Variants in GPSM2 observed in about 807,000 individuals in gnomAD.
GPSM2 encodes G protein-signaling modulator 2.
A neutral mutation model predicts 78.4 loss-of-function variants in GPSM2; 58 were observed. That is an observed-to-expected ratio of 0.74 (90% CI 0.60 to 0.92). The LOEUF is 0.92. Among genes scored for constraint, GPSM2 ranks in the 40% least tolerant of loss-of-function variants. GPSM2 has a pLI of 0.00. For synonymous variants in GPSM2, 224 were observed against 280.2 expected (o/e 0.80, Z 2.00); for missense variants, 700 against 815.5 (o/e 0.86, Z 1.73).
In GPSM2 at chr1:108,898,755, C is replaced by G; in HGVS notation, c.671C>G (p.Ala224Gly). ...LLGNFRDAVI[A>G]HEQRLLIAKE... ...GGCAACTTCAGGGATGCAGTTATAG[C>G]TCATGAGCAGGTACAGTGGAAAGCC... The change falls in exon 6 of 15, where the codon GCT becomes GGT. Residue 224 changes from alanine to glycine, a missense_variant. Transcript: ENST00000264126. 1.2e-6 allele frequency: 2 copies of G among 1,614,070 alleles called. No individual in the cohort carries two copies. The highest frequency in any genetic ancestry group is 2.2e-5 in the South Asian group (2 of 91,074).
Position 108,930,238 on chromosome 1 carries a change from ATAGAT to A in GPSM2, c.*303_*307del. 1 of 296,686 alleles carries A rather than the reference ATAGAT, an allele frequency of 3.4e-6. No individual in the cohort carries two copies. Among genetic ancestry groups the A allele is most frequent in the East Asian group, 6.3e-5 (1 of 15,784 alleles). 18.4% of individuals were successfully genotyped at this position (296,686 alleles called of 1,614,324 possible). On this transcript the variant is annotated 3_prime_UTR_variant, in exon 15 of 15. Coordinates refer to ENST00000264126, the MANE Select transcript of GPSM2 (RefSeq NM_013296.5). ...TATAAAGTAGGAAGTTAAGTGAATC[ATAGAT>A]TAGAATTTAATACTCTTATGGAAAT... is the stretch of plus-strand genomic sequence containing the variant.
At chr1:108,927,640 A>C (rs1651212901) in intron 14 of GPSM2, among the ~76,000 whole-genome samples, 1 of 152,148 alleles carries the variant, frequency 6.6e-6, no homozygotes, top group African/African-American at 2.4e-5. Context: ...GCAAAACTCA[A>C]AGTGGGCCAA....
chr1:108,899,927 A>C (rs974252886), intron 7 of GPSM2, among the ~76,000 whole-genome samples: 5 of 152,216 alleles, frequency 3.3e-5, no homozygotes, highest in Admixed American at 6.5e-5. Context: ...GTTAGATATG[A>C]AATAGCCTCC....
At chr1:108,895,669 C>T (rs1286548640) in intron 2 of GPSM2, among the ~76,000 whole-genome samples, 2 of 152,126 alleles carry the variant, frequency 1.3e-5, no homozygotes, top group Non-Finnish European at 2.9e-5. Flanking sequence ...CAGTCACACC[C>T]AGAGGAGACC....
chr1:108,931,253 T>TGAAA lies in GPSM2; in HGVS notation c.*1320_*1323dup. The TGAAA allele has an allele frequency of 7.0e-7, 1 of 1,434,438 alleles. No individual in the cohort carries two copies. The highest frequency in any genetic ancestry group is 9.2e-7 in the Non-Finnish European group (1 of 1,083,948). 88.9% of individuals were successfully genotyped at this position (1,434,438 alleles called of 1,614,324 possible). On this transcript the variant is annotated 3_prime_UTR_variant, in exon 15 of 15. Coordinates refer to ENST00000264126, the MANE Select transcript of GPSM2 (RefSeq NM_013296.5). ...GATGAAAACTCACAAAAATTAAATA[T>TGAAA]GAAAGAAAGATGTCAGCTAGAACCT...
At position 108,885,300 on chromosome 1, in the gene GPSM2, G is replaced by C. The variant is rs999069614; in HGVS notation, c.-223G>C. ...AAATGTTGCTGAAGTGCTGCTGAAA[G>C]GGCCAGAGATGCAAGGATTTGGGAT... On this transcript the variant is annotated 5_prime_UTR_variant, in exon 2 of 15. Transcript: ENST00000264126. 4.7e-6 allele frequency: 2 copies of C among 427,460 alleles called. No homozygotes were observed. The highest frequency in any genetic ancestry group is 8.3e-6 in the Non-Finnish European group (2 of 240,722). The allele number at this position is 427,460 out of a possible 1,614,324, so 26.5% of individuals were successfully genotyped here.
In GPSM2 at chr1:108,923,940, TTTTTTTG is replaced by T. The variant is rs151310940; in HGVS notation, c.1601-39_1601-33del. 0.088 allele frequency: 108,370 copies of T among 1,234,556 alleles called. 5,224 individuals are homozygous for T. The highest frequency in any genetic ancestry group is 0.1 in the Middle Eastern group (543 of 5,320). 76.5% of individuals were successfully genotyped at this position (1,234,556 alleles called of 1,614,324 possible). A position where few individuals can be genotyped will look rare whatever the true frequency, so the allele number is the denominator to read the frequency against. ...TAGGTATATAATAAATGTGCCTAGG[TTTTTTTG>T]TTTTTTGTTTTTTGTTTTTTTTTAA... is the stretch of plus-strand genomic sequence containing the variant. On this transcript the variant is annotated intron_variant, in intron 13 of 14. Coordinates refer to ENST00000264126, the MANE Select transcript of GPSM2 (RefSeq NM_013296.5).
At chr1:108,920,623 A>G (rs1437212387) in intron 12 of GPSM2, among the ~76,000 whole-genome samples, 2 of 151,808 alleles carry the variant, frequency 1.3e-5, no homozygotes, top group Non-Finnish European at 2.9e-5. Context: ...CTTTCCCCCC[A>G]GTCTGTGGTA....
chr1:108,886,863 A>AGTGT (rs755523987), intron 2 of GPSM2, among the ~76,000 whole-genome samples: 4 of 149,722 alleles, frequency 2.7e-5, no homozygotes, highest in African/African-American at 9.8e-5. Flanking sequence ...AAATCTGAAG[A>AGTGT]GTGTGTGTGT....
chr1:108,889,829 C>T (rs997948690), intron 2 of GPSM2, among the ~76,000 whole-genome samples: 2 of 152,174 alleles, frequency 1.3e-5, no homozygotes, highest in Non-Finnish European at 2.9e-5. Context: ...GGCTCCTAGT[C>T]ACCCGGCCAA....
chr1:108,897,213 T>C (rs1648433580), intron 3 of GPSM2, 128 bp downstream of exon 3: 3 of 775,132 alleles, frequency 3.9e-6, no homozygotes, highest in African/African-American at 1.7e-5. Context: ...ACATCGCTTT[T>C]CAAAACTAAC....
chr1:108,922,558 C>T lies in GPSM2; in HGVS notation c.1582C>T (p.Pro528Ser), dbSNP rs769163486. ...TTCAACAACAACTTCTTCCACTCCC[C>T]CTAAAATGATGCTAAAAAGTAAGTC... is the stretch of plus-strand genomic sequence containing the variant. ...TASTTTSSTP[P>S]KMMLKTSSVP... The change falls in exon 13 of 15, where the codon CCT (proline) becomes TCT (serine). Residue 528 changes from proline to serine, a missense_variant. By Grantham distance (74) the Pro-to-Ser change is moderately conservative. Coordinates refer to ENST00000264126, the MANE Select transcript of GPSM2 (RefSeq NM_013296.5). 6.2e-7 allele frequency: 1 copy of T among 1,612,390 alleles called. No homozygotes were observed. Among genetic ancestry groups the T allele is most frequent in the South Asian group, 1.1e-5 (1 of 91,046 alleles).
At chr1:108,924,561 GGA>G in intron 14 of GPSM2, among the ~76,000 whole-genome samples, 1 of 152,142 alleles carries the variant, frequency 6.6e-6, no homozygotes, top group South Asian at 2.1e-4. Context: ...GGTGGTAGGG[GGA>G]GTGTCTGTTT....
chr1:108,918,588 CT>C, intron 11 of GPSM2, 24 bp from the exon 12 acceptor site: 2 of 1,590,112 alleles, frequency 1.3e-6, no homozygotes, highest in Non-Finnish European at 1.7e-6. Flanking sequence ...GTTTATTCAC[CT>C]GCCTTCCATT....
At chr1:108,920,662 G>A (rs888630384) in intron 12 of GPSM2, among the ~76,000 whole-genome samples, 4 of 151,994 alleles carry the variant, frequency 2.6e-5, no homozygotes, top group African/African-American at 9.7e-5. Flanking sequence ...ATTTTTATCA[G>A]TGGTTTCTTA....
intron 14 of GPSM2, among the ~76,000 whole-genome samples, chr1:108,929,023 TTC>T (rs61474841): frequency 0.21 from 31,128 of 150,710 alleles, 3,734 homozygotes; most frequent in East Asian, 0.33. Flanking sequence ...TCTGGGCTAT[TTC>T]TTAACAGATT....
At chr1:108,927,758 C>T (rs1651234562) in intron 14 of GPSM2, among the ~76,000 whole-genome samples, 1 of 152,034 alleles carries the variant, frequency 6.6e-6, no homozygotes, top group South Asian at 2.1e-4. Context: ...TTGCTTGAGC[C>T]CAGGAGTTCA....
chr1:108,917,184 C>T (rs1329007486), intron 11 of GPSM2, among the ~76,000 whole-genome samples: 1 of 152,076 alleles, frequency 6.6e-6, no homozygotes, highest in Non-Finnish European at 1.5e-5. Context: ...CAATAGACCA[C>T]GAAATCCACT....
intron 12 of GPSM2, among the ~76,000 whole-genome samples, chr1:108,920,228 G>T (rs35229560): frequency 0.075 from 11,436 of 151,968 alleles, 470 homozygotes; most frequent in Non-Finnish European, 0.086. Flanking sequence ...CAGCACTTCG[G>T]GAGGCCAAGG....
Sources: allele counts gnomAD v4.1 joint callset (sites outside exome capture counted in the v4.1 genomes callset), GRCh38; gene constraint gnomAD v4.1.1; transcripts MANE v1.5; gene names NCBI Gene and HGNC (gene_info 2026-07-23, HGNC 2026-07-21).